CDH6: variants seen among roughly 807,000 people sequenced by gnomAD.
CDH6 encodes the protein cadherin 6.
CDH6 carries 31 observed loss-of-function variants against 78.0 expected under a neutral mutation model. The ratio of observed to expected loss-of-function variants is 0.40; its 90% CI spans 0.30 to 0.54. CDH6 has a LOEUF of 0.54. Ranked by LOEUF, CDH6 falls within the 20% of genes least tolerant of loss-of-function variation. The pLI, the probability that CDH6 is intolerant of heterozygous loss-of-function variation, is 0.56. For missense variants in CDH6, 724 were observed against 975.9 expected, an observed-to-expected ratio of 0.74 and a Z score of 3.44; for synonymous variants, 376 against 368.8, an observed-to-expected ratio of 1.02 and a Z score of -0.23.
At chr5:31,262,210 G>A (rs1010361837) in intron 1 of CDH6, among the ~76,000 whole-genome samples, 1 of 152,184 alleles carries the variant, frequency 6.6e-6, no homozygotes, top group African/African-American at 2.4e-5. Flanking sequence ...ACTTGACCAT[G>A]CACTCTTGTG....
rs2302903 is a variant in CDH6, at chr5:31,317,422, A to G, written c.1560A>G (p.Gly520=). Reference sequence around the variant, plus strand: ...TTGACAAGGATGACCCTTATAGTGGACACCAATTTTCGTTTTCCTTGGCCC... The same window carrying G: ...TTGACAAGGATGACCCTTATAGTGGGCACCAATTTTCGTTTTCCTTGGCCC... ...HAVDKDDPYS[G]HQFSFSLAPE... The change falls in exon 10 of 12, where the codon GGA becomes GGG. Residue 520 remains glycine (G), a synonymous_variant. Coordinates refer to ENST00000265071, the MANE Select transcript of CDH6 (RefSeq NM_004932.4). 851,766 of 1,598,416 alleles carry G rather than the reference A, an allele frequency of 0.53. 230,098 individuals carry two copies. Among genetic ancestry groups the G allele is most frequent in the East Asian group, 0.59 (26,331 of 44,794 alleles).
chr5:31,259,636 A>T (rs1325960956), intron 1 of CDH6, among the ~76,000 whole-genome samples: 1 of 152,200 alleles, frequency 6.6e-6, no homozygotes, highest in Non-Finnish European at 1.5e-5. Flanking sequence ...ACCTAAACCT[A>T]TAGTTTGCTA....
chr5:31,233,811 C>T (rs999435362), intron 1 of CDH6, among the ~76,000 whole-genome samples: 2 of 152,200 alleles, frequency 1.3e-5, no homozygotes, highest in African/African-American at 2.4e-5. Context: ...TACTACTCAG[C>T]ATCCCTTTAC....
chr5:31,306,194 C>A (rs1033500958), intron 7 of CDH6, among the ~76,000 whole-genome samples: 1 of 152,148 alleles, frequency 6.6e-6, no homozygotes, highest in African/African-American at 2.4e-5. Context: ...ATCCTCCATT[C>A]GGATGGTTTT....
chr5:31,300,959 A>C (rs1205833630), intron 5 of CDH6, among the ~76,000 whole-genome samples: 1 of 151,784 alleles, frequency 6.6e-6, no homozygotes, highest in African/African-American at 2.4e-5. Context: ...TGTGTCTACA[A>C]CAAGTAAAAA....
chr5:31,277,570 C>A (rs995224689), intron 2 of CDH6, among the ~76,000 whole-genome samples: 4 of 152,008 alleles, frequency 2.6e-5, no homozygotes, highest in Non-Finnish European at 5.9e-5. Flanking sequence ...ATAATTAATT[C>A]TTTGTTTAAG....
chr5:31,293,610 G>A (rs568946009), intron 2 of CDH6, among the ~76,000 whole-genome samples: 3 of 152,114 alleles, frequency 2.0e-5, no homozygotes, highest in Non-Finnish European at 4.4e-5. Context: ...TGTGAAAGCT[G>A]TAGTGAAAAA....
At chr5:31,213,332 T>C (rs1169468410) in intron 1 of CDH6, among the ~76,000 whole-genome samples, 3 of 152,190 alleles carry the variant, frequency 2.0e-5, no homozygotes, top group Non-Finnish European at 2.9e-5. Context: ...AAGGATGAAA[T>C]GCTTAAAATC....
chr5:31,263,345 G>A (rs573432685), intron 1 of CDH6, among the ~76,000 whole-genome samples: 11 of 148,922 alleles, frequency 7.4e-5, no homozygotes, highest in African/African-American at 9.9e-5. Context: ...TGCAACCTCC[G>A]CATCCTGGGT....
Position 31,293,954 on chromosome 5 carries a change from TACAC to T in CDH6, c.229-7_229-4del. ...TTTACTTTCTTTAATTTTTTTTTTC[TACAC>T]TAGTTACATTCAGACCAGGATAGAG... On this transcript the variant is annotated splice_polypyrimidine_tract_variant and splice_region_variant and intron_variant, in intron 2 of 11. Transcript: ENST00000265071. 6.5e-7 allele frequency: 1 copy of T among 1,538,768 alleles called. No homozygotes were observed. The highest frequency in any genetic ancestry group is 1.4e-5 in the African/African-American group (1 of 71,654).
chr5:31,251,289 A>G (rs1741900971), intron 1 of CDH6: 1 of 152,304 alleles, frequency 6.6e-6, no homozygotes, highest in Non-Finnish European at 1.5e-5. Context: ...ATGGGCACCA[A>G]GCCATGAATG....
chr5:31,200,205 A>G (rs1740312039), intron 1 of CDH6, among the ~76,000 whole-genome samples: 2 of 152,172 alleles, frequency 1.3e-5, no homozygotes, highest in African/African-American at 4.8e-5. Context: ...TTTTATGAAC[A>G]TAATGATGGT....
chr5:31,233,232 A>C (rs1245401339), intron 1 of CDH6, among the ~76,000 whole-genome samples: 1 of 152,206 alleles, frequency 6.6e-6, no homozygotes, highest in Non-Finnish European at 1.5e-5. Flanking sequence ...TTACACAAAA[A>C]AATAAAGTAT....
intron 1 of CDH6, among the ~76,000 whole-genome samples, chr5:31,235,862 C>T (rs995888109): frequency 3.3e-5 from 5 of 152,084 alleles, no homozygotes; most frequent in African/African-American, 7.2e-5. Flanking sequence ...AATTGTTTTA[C>T]AATTTTTACA....
chr5:31,196,792 A>G (rs1229237187), intron 1 of CDH6, among the ~76,000 whole-genome samples: 1 of 152,186 alleles, frequency 6.6e-6, no homozygotes, highest in Non-Finnish European at 1.5e-5. Flanking sequence ...GGATGATTCC[A>G]AATGAAAGCA....
rs902080679 is a variant in CDH6 at position 31,227,896 on chromosome 5, C to T, written c.-129+34010C>T. 3.3e-5 allele frequency among the ~76,000 whole-genome samples: 5 copies of T among 152,306 alleles called. No homozygotes were observed. The South Asian group carries it at 1.0e-3, about 32-fold the overall frequency. On this transcript the variant is annotated intron_variant, in intron 1 of 11. Coordinates refer to ENST00000265071, the MANE Select transcript of CDH6 (RefSeq NM_004932.4). ...TTAGTTGCTTCTTGCTGCTGCAACG[C>T]ACACCACAAAACACATTACCACAAA...
chr5:31,267,449 G>A lies in CDH6; in HGVS notation c.-25G>A, dbSNP rs2149933455. ...CTTCCAAGAGTGGGGCACTCACTAC[G>A]CACAGACTCGACGGTGCCATCAGCA... On this transcript the variant is annotated 5_prime_UTR_variant, in exon 2 of 12. Coordinates refer to ENST00000265071, the MANE Select transcript of CDH6 (RefSeq NM_004932.4). 3 of 1,579,800 alleles carry A rather than the reference G, an allele frequency of 1.9e-6. No homozygotes were observed. Among genetic ancestry groups the A allele is most frequent in the Non-Finnish European group, 2.6e-6 (3 of 1,148,802 alleles).
intron 1 of CDH6, among the ~76,000 whole-genome samples, chr5:31,227,417 A>T (rs62348913): frequency 0.3 from 44,976 of 152,126 alleles, 7,165 homozygotes; most frequent in Middle Eastern, 0.43. Context: ...GAAGTACATT[A>T]ATATAATAAG....
chr5:31,194,811 ACT>A (rs1740118218), intron 1 of CDH6, among the ~76,000 whole-genome samples: 1 of 152,172 alleles, frequency 6.6e-6, no homozygotes. Flanking sequence ...AATGTTGTGG[ACT>A]GCAGCAGTTG....
Sources: allele counts gnomAD v4.1 joint callset (sites outside exome capture counted in the v4.1 genomes callset), GRCh38; gene constraint gnomAD v4.1.1; transcripts MANE v1.5; gene names NCBI Gene and HGNC (gene_info 2026-07-23, HGNC 2026-07-21).